The following HMCN1 variants were observed in gnomAD, a reference collection of about 807,000 sequenced individuals.
The protein encoded by HMCN1 is hemicentin-1.
HMCN1 carries 321 observed loss-of-function variants against 625.9 expected under a neutral mutation model. That is an observed-to-expected ratio of 0.51 (90% CI 0.47 to 0.56). The LOEUF (loss-of-function observed/expected upper bound fraction) is 0.56, where lower values mean the gene tolerates loss of function less well. Among genes scored for constraint, HMCN1 ranks in the 20% least tolerant of loss-of-function variants. HMCN1 has a pLI of 0.00. For synonymous variants in HMCN1, 2,425 were observed against 2,417.6 expected, an observed-to-expected ratio of 1.00 and a Z score of -0.09; for missense variants, 6,588 against 6,887.3, an observed-to-expected ratio of 0.96 and a Z score of 1.54.
chr1:185,874,839 A>T (rs1396201287), intron 4 of HMCN1, among the ~76,000 whole-genome samples: 2 of 151,996 alleles, frequency 1.3e-5, no homozygotes, highest in Non-Finnish European at 2.9e-5. Context: ...AAAAAGACAC[A>T]TGATATAGTT....
chr1:186,041,917 T>G (rs1656235594), intron 40 of HMCN1, among the ~76,000 whole-genome samples: 2 of 152,208 alleles, frequency 1.3e-5, no homozygotes, highest in South Asian at 4.1e-4. Flanking sequence ...AATAATTTAT[T>G]CTTTTTTGAA....
intron 36 of HMCN1, among the ~76,000 whole-genome samples, chr1:186,032,385 G>A (rs993636288): frequency 6.6e-5 from 10 of 152,226 alleles, no homozygotes; most frequent in Middle Eastern, 3.4e-3. Flanking sequence ...TGCAAGAGTG[G>A]CTGATATGGT....
intron 10 of HMCN1, among the ~76,000 whole-genome samples, chr1:185,930,445 A>G (rs1334463972): frequency 2.6e-5 from 4 of 152,170 alleles, no homozygotes; most frequent in African/African-American, 7.2e-5. Context: ...TTATCAGCAC[A>G]CTGGAATCAG....
Position 186,023,039 on chromosome 1 carries a change from T to A in HMCN1, c.5635T>A (p.Ser1879Thr), listed in dbSNP as rs1434950808. ...TTCTGCTCCCAATTAGATACAGTCT[T>A]CTGGTCGAGTTCTACAAATTGCCAA... is the stretch of plus-strand genomic sequence containing the variant. ...TAQGNLKIQS[S>T]GRVLQIAKTL... Residue 1879 changes from serine (S) to threonine (T), a missense_variant, in exon 36 of 107, where the codon TCT becomes ACT. By Grantham distance (58) the Ser-to-Thr change is moderately conservative. This residue lies in a region of HMCN1 where 4,628 missense variants were observed against 4,853.1 expected (regional missense o/e 0.95). Coordinates refer to ENST00000271588, the MANE Select transcript of HMCN1 (RefSeq NM_031935.3). The A allele has an allele frequency of 6.2e-7, 1 of 1,613,456 alleles. No individual in the cohort carries two copies. The highest frequency in any genetic ancestry group is 8.5e-7 in the Non-Finnish European group (1 of 1,179,536).
chr1:186,156,142 T>C (rs1414378169), intron 97 of HMCN1, among the ~76,000 whole-genome samples: 1 of 152,102 alleles, frequency 6.6e-6, no homozygotes, highest in African/African-American at 2.4e-5. Flanking sequence ...AATTATAAAG[T>C]ATATATTTTA....
chr1:186,107,331 C>A (rs1660657975), intron 70 of HMCN1, among the ~76,000 whole-genome samples: 1 of 152,118 alleles, frequency 6.6e-6, no homozygotes, highest in South Asian at 2.1e-4. Context: ...GGGGGCAGTT[C>A]ATGGATTGTT....
chr1:186,055,757 T>C (rs1558181691), intron 45 of HMCN1, 83 bp downstream of exon 45: 1 of 1,304,044 alleles, frequency 7.7e-7, no homozygotes. Flanking sequence ...CCTCAAGTAC[T>C]GAAAGTCATT....
At chr1:185,785,600 T>A (rs1657510460) in intron 1 of HMCN1, among the ~76,000 whole-genome samples, 1 of 152,164 alleles carries the variant, frequency 6.6e-6, no homozygotes, top group African/African-American at 2.4e-5. Context: ...CACCCATGTT[T>A]TATATATATT....
intron 104 of HMCN1, among the ~76,000 whole-genome samples, chr1:186,181,557 G>A (rs1350816441): frequency 1.3e-5 from 2 of 152,054 alleles, no homozygotes; most frequent in Admixed American, 1.3e-4. Flanking sequence ...GAAGTTAAAT[G>A]GCCTGCCAAA....
intron 100 of HMCN1, among the ~76,000 whole-genome samples, chr1:186,169,708 G>A (rs1209546245): frequency 2.0e-5 from 3 of 152,074 alleles, no homozygotes; most frequent in Non-Finnish European, 4.4e-5. Context: ...TTAAACGTAA[G>A]ACCTAAAACC....
intron 1 of HMCN1, among the ~76,000 whole-genome samples, chr1:185,826,988 G>A (rs1023826471): frequency 5.3e-5 from 8 of 151,698 alleles, no homozygotes; most frequent in Non-Finnish European, 1.2e-4. Flanking sequence ...CATCCTGGCT[G>A]ACACAGTGAA....
At position 186,082,689 on chromosome 1, in the gene HMCN1, G is replaced by A. The variant is rs542366876; in HGVS notation, c.8788-176G>A. Among the ~76,000 whole-genome samples, 4 of 152,016 alleles carry A rather than the reference G, an allele frequency of 2.6e-5. No individual in the cohort carries two copies. The South Asian group carries it at 8.3e-4, about 32-fold the overall frequency. ...TTACCTCTCCTGATTAAAAATCTTA[G>A]TAAATATTTATTTGATTTACCTAAT... On this transcript the variant is annotated intron_variant, in intron 56 of 106. Transcript: ENST00000271588.
intron 26 of HMCN1, among the ~76,000 whole-genome samples, chr1:186,001,066 A>G (rs1653165454): frequency 1.3e-5 from 2 of 152,058 alleles, no homozygotes; most frequent in South Asian, 4.1e-4. Context: ...AGCTTATCCC[A>G]AATTTTATCC....
chr1:185,772,411 C>T (rs1008481467), intron 1 of HMCN1, among the ~76,000 whole-genome samples: 1 of 152,166 alleles, frequency 6.6e-6, no homozygotes, highest in African/African-American at 2.4e-5. Context: ...TGGAGTGCTT[C>T]ATAGTAGTAG....
chr1:186,145,508 A>G lies in HMCN1; in HGVS notation c.14372A>G (p.Asn4791Ser), dbSNP rs1650260610. ...YRTCDNPPPSNGGRACGGPDS... is the reference protein window; with the variant it reads ...YRTCDNPPPSSGGRACGGPDS... ...ACATGTGATAACCCTCCTCCCTCCA[A>G]TGGGGGAAGAGCTTGTGGGGGACCA... is the stretch of plus-strand genomic sequence containing the variant. The change falls in exon 92 of 107, where the codon AAT becomes AGT. Residue 4791 changes from asparagine (N) to serine (S), a missense_variant. This residue lies in a region of HMCN1 where 1,954 missense variants were observed against 2,013.1 expected (regional missense o/e 0.97). Transcript: ENST00000271588. 3 of 1,614,032 alleles carry G rather than the reference A, an allele frequency of 1.9e-6. No individual in the cohort carries two copies. Among genetic ancestry groups the G allele is most frequent in the South Asian group, 1.1e-5 (1 of 91,072 alleles).
chr1:185,970,034 C>CCACTT (rs1262622733), intron 14 of HMCN1, among the ~76,000 whole-genome samples: 1 of 152,158 alleles, frequency 6.6e-6, no homozygotes, highest in Non-Finnish European at 1.5e-5. Context: ...CTTCATTTCC[C>CCACTT]CACTCCCTTG....
chr1:185,823,785 A>G (rs1349534825), intron 1 of HMCN1, among the ~76,000 whole-genome samples: 1 of 152,236 alleles, frequency 6.6e-6, no homozygotes, highest in Non-Finnish European at 1.5e-5. Context: ...TTAAACAAGA[A>G]GCAGCATTTT....
At chr1:186,150,365 A>G (rs1453227444) in intron 93 of HMCN1, among the ~76,000 whole-genome samples, 1 of 152,202 alleles carries the variant, frequency 6.6e-6, no homozygotes, top group Non-Finnish European at 1.5e-5. Flanking sequence ...ATTCTGTGCT[A>G]GTCACCAGTA....
At chr1:185,859,435 A>T in intron 2 of HMCN1, among the ~76,000 whole-genome samples, 1 of 152,182 alleles carries the variant, frequency 6.6e-6, no homozygotes, top group East Asian at 1.9e-4. Context: ...AATTTCAATA[A>T]TCTATTTACT....
Sources: gnomAD v4.1 joint callset for allele counts (sites outside exome capture counted in the v4.1 genomes callset) on GRCh38, gnomAD v4.1.1 for gene constraint, gnomAD v4.1.1 regional missense constraint, MANE v1.5 for transcripts, NCBI Gene and HGNC (gene_info 2026-07-23, HGNC 2026-07-21) for gene names.